Variants in GPC5 observed in about 807,000 individuals in gnomAD.
GPC5 encodes glypican-5.
A neutral mutation model predicts 53.9 loss-of-function variants in GPC5; 47 were observed. That is an observed-to-expected ratio of 0.87 (90% CI 0.69 to 1.11). The LOEUF (loss-of-function observed/expected upper bound fraction) is 1.11. Among genes scored for constraint, GPC5 ranks in the 50% most tolerant of loss-of-function variants. GPC5 has a pLI of 0.00. For synonymous variants in GPC5, 286 were observed against 263.3 expected (o/e 1.09, Z -0.84); for missense variants, 748 against 713.1 (o/e 1.05, Z -0.56).
At chr13:92,021,678 T>C (rs560329189) in intron 6 of GPC5, among the ~76,000 whole-genome samples, 1 of 152,318 alleles carries the variant, frequency 6.6e-6, no homozygotes, top group Admixed American at 6.5e-5. Flanking sequence ...CATAAGAATA[T>C]CAGTTATAAT....
At chr13:91,542,284 A>G (rs749804432) in intron 2 of GPC5, among the ~76,000 whole-genome samples, 24 of 152,152 alleles carry the variant, frequency 1.6e-4, no homozygotes, top group Non-Finnish European at 2.8e-4. Flanking sequence ...GGCTTCTCCT[A>G]TCTCACAAAG....
At chr13:92,559,359 T>C in intron 7 of GPC5, among the ~76,000 whole-genome samples, 1 of 151,604 alleles carries the variant, frequency 6.6e-6, no homozygotes, top group South Asian at 2.1e-4. Flanking sequence ...TGTGTGTGTG[T>C]GTGTGTGTGT....
At chr13:91,709,568 A>G (rs1431959519) in intron 3 of GPC5, among the ~76,000 whole-genome samples, 4 of 152,250 alleles carry the variant, frequency 2.6e-5, no homozygotes, top group Non-Finnish European at 4.4e-5. Context: ...TGTTGCGAAT[A>G]GATACCACTA....
intron 3 of GPC5, among the ~76,000 whole-genome samples, chr13:91,703,345 T>C (rs919869442): frequency 2.6e-5 from 4 of 152,150 alleles, no homozygotes; most frequent in Admixed American, 2.6e-4. Flanking sequence ...TTGAGATAAA[T>C]TCCTCCTATA....
intron 3 of GPC5, among the ~76,000 whole-genome samples, chr13:91,720,236 T>A (rs2036434728): frequency 6.6e-6 from 1 of 152,184 alleles, no homozygotes; most frequent in Non-Finnish European, 1.5e-5. Flanking sequence ...TCTTTATCTC[T>A]TGCACCCCCA....
intron 7 of GPC5, among the ~76,000 whole-genome samples, chr13:92,319,691 A>G (rs907547141): frequency 1.3e-5 from 2 of 152,182 alleles, no homozygotes; most frequent in African/African-American, 4.8e-5. Flanking sequence ...TATAATAAGT[A>G]GCTTGCACTG....
chr13:92,327,362 C>T (rs990848486), intron 7 of GPC5, among the ~76,000 whole-genome samples: 2 of 152,178 alleles, frequency 1.3e-5, no homozygotes, highest in East Asian at 3.8e-4. Flanking sequence ...GTGTATTACA[C>T]ATGCTTGTGT....
In GPC5 at chr13:92,075,518, C is replaced by T. The variant is rs951505486; in HGVS notation, c.1402-69312C>T. 3.3e-5 allele frequency among the ~76,000 whole-genome samples: 5 copies of T among 152,044 alleles called. No homozygotes were observed. The East Asian group carries it at 7.7e-4, about 23-fold the overall frequency. On this transcript the variant is annotated intron_variant, in intron 6 of 7. Coordinates refer to ENST00000377067, the MANE Select transcript of GPC5 (RefSeq NM_004466.6). ...ATAATCAATATTTACCTATAAGGTACGTTAATTGTATTAATACATGTCAAG... is the reference window on the plus strand; with the variant it reads ...ATAATCAATATTTACCTATAAGGTATGTTAATTGTATTAATACATGTCAAG...
chr13:92,122,941 A>G (rs2041662914), intron 6 of GPC5, among the ~76,000 whole-genome samples: 2 of 152,086 alleles, frequency 1.3e-5, no homozygotes, highest in Admixed American at 1.3e-4. Context: ...CTAAACATAC[A>G]AAGAATATAG....
In GPC5 at chr13:92,334,764, C is replaced by T. The variant is rs767971551; in HGVS notation, c.1561+189775C>T. 4.9e-4 allele frequency among the ~76,000 whole-genome samples: 74 copies of T among 152,086 alleles called. 1 individual carries two copies. Among genetic ancestry groups the T allele is most frequent in the Non-Finnish European group, 5.4e-4 (37 of 68,026 alleles). ...AAGGAGCCACAGGCCCAGTGCAAGTCCAAAATCTAATAGGGCAGTCATTAA... is the reference window on the plus strand; with the variant it reads ...AAGGAGCCACAGGCCCAGTGCAAGTTCAAAATCTAATAGGGCAGTCATTAA... On this transcript the variant is annotated intron_variant, in intron 7 of 7. Coordinates refer to ENST00000377067, the MANE Select transcript of GPC5 (RefSeq NM_004466.6).
intron 7 of GPC5, among the ~76,000 whole-genome samples, chr13:92,220,841 A>G (rs547754204): frequency 5.3e-5 from 8 of 152,312 alleles, no homozygotes; most frequent in African/African-American, 1.9e-4. Context: ...ATTGGACACT[A>G]AAATTGATCA....
At chr13:92,444,856 C>T (rs1299241314) in intron 7 of GPC5, among the ~76,000 whole-genome samples, 2 of 151,732 alleles carry the variant, frequency 1.3e-5, no homozygotes, top group Non-Finnish European at 1.5e-5. Flanking sequence ...ATAAAATGGT[C>T]ATCATAGTCC....
intron 7 of GPC5, among the ~76,000 whole-genome samples, chr13:92,657,120 A>G (rs1393716031): frequency 6.6e-6 from 1 of 152,246 alleles, no homozygotes; most frequent in Non-Finnish European, 1.5e-5. Context: ...CTCTCATTAG[A>G]TGGTGAATAT....
chr13:91,956,059 A>T (rs1368145975), intron 6 of GPC5, among the ~76,000 whole-genome samples: 3 of 151,870 alleles, frequency 2.0e-5, no homozygotes, highest in Admixed American at 2.0e-4. Flanking sequence ...CTCCAACCAG[A>T]ACATTTCACC....
intron 6 of GPC5, among the ~76,000 whole-genome samples, chr13:91,964,454 G>A (rs1005897653): frequency 6.6e-6 from 1 of 152,236 alleles, no homozygotes. Context: ...TTTTGACAGA[G>A]TGCTGATTGG....
intron 2 of GPC5, among the ~76,000 whole-genome samples, chr13:91,604,438 CA>C (rs1295969687): frequency 1.3e-5 from 2 of 151,734 alleles, no homozygotes; most frequent in African/African-American, 4.9e-5. Context: ...TTTATAGCAG[CA>C]TGATTTATAG....
intron 2 of GPC5, among the ~76,000 whole-genome samples, chr13:91,614,299 A>G (rs2139327431): frequency 6.6e-6 from 1 of 152,244 alleles, no homozygotes; most frequent in South Asian, 2.1e-4. Flanking sequence ...GTATCAGGCA[A>G]CTCAGGAAGT....
intron 7 of GPC5, among the ~76,000 whole-genome samples, chr13:92,545,186 C>T (rs1381714870): frequency 1.4e-4 from 22 of 151,760 alleles, no homozygotes; most frequent in African/African-American, 5.3e-4. Flanking sequence ...TTTTTGTCCT[C>T]GTGATAGTTT....
intron 2 of GPC5, among the ~76,000 whole-genome samples, chr13:91,476,593 G>A (rs1340462376): frequency 6.6e-6 from 1 of 152,150 alleles, no homozygotes; most frequent in Non-Finnish European, 1.5e-5. Flanking sequence ...TTCTTCAATA[G>A]TGATGCAGAA....
Sources: allele counts gnomAD v4.1 joint callset (sites outside exome capture counted in the v4.1 genomes callset), GRCh38; gene constraint gnomAD v4.1.1; transcripts MANE v1.5; gene names NCBI Gene and HGNC (gene_info 2026-07-23, HGNC 2026-07-21).